Variants in GRM8 observed in about 807,000 individuals in gnomAD.
GRM8 encodes the protein metabotropic glutamate receptor 8.
In GRM8, 47 loss-of-function variants were observed where a neutral mutation model predicts 87.2. The observed-to-expected ratio is 0.54, with a 90% confidence interval of 0.43 to 0.69. GRM8 has a LOEUF of 0.69. GRM8 is among the 30% of genes least tolerant of loss of function. GRM8 has a pLI of 0.00. For synonymous variants in GRM8, 396 were observed against 404.5 expected (o/e 0.98, Z 0.25); for missense variants, 1,019 against 1,139.2 (o/e 0.89, Z 1.52).
intron 3 of GRM8, among the ~76,000 whole-genome samples, chr7:127,086,844 A>T (rs977926856): frequency 1.3e-5 from 2 of 152,156 alleles, no homozygotes; most frequent in African/African-American, 4.8e-5. Context: ...TTCCACCTTC[A>T]TTAATCAAGT....
intron 2 of GRM8, among the ~76,000 whole-genome samples, chr7:127,208,545 G>A (rs1796041598): frequency 6.6e-6 from 1 of 152,166 alleles, no homozygotes; most frequent in Admixed American, 6.5e-5. Context: ...TGAGTAACTT[G>A]GCTAATGAGT....
At chr7:126,967,560 A>AC (rs1715354284) in intron 3 of GRM8, among the ~76,000 whole-genome samples, 1 of 151,496 alleles carries the variant, frequency 6.6e-6, no homozygotes, top group African/African-American at 2.4e-5. Flanking sequence ...AGAAAAAAAA[A>AC]AGTACAGCAC....
chr7:126,603,023 A>C, intron 8 of GRM8, among the ~76,000 whole-genome samples: 1 of 147,820 alleles, frequency 6.8e-6, no homozygotes, highest in Non-Finnish European at 1.5e-5. Flanking sequence ...AGCACATCAA[A>C]AAGCTTATCC....
chr7:126,534,532 T>G (rs924694598), intron 8 of GRM8, among the ~76,000 whole-genome samples: 1 of 148,530 alleles, frequency 6.7e-6, no homozygotes, highest in Non-Finnish European at 1.5e-5. Flanking sequence ...GATGGTAATG[T>G]TTTTTTTACT....
intron 2 of GRM8, among the ~76,000 whole-genome samples, chr7:127,129,194 A>G (rs1827541449): frequency 6.6e-6 from 1 of 152,202 alleles, no homozygotes. Flanking sequence ...TTTTTAATAA[A>G]TCTATAGAAT....
chr7:126,614,115 G>A (rs1799200656), intron 7 of GRM8, among the ~76,000 whole-genome samples: 1 of 152,184 alleles, frequency 6.6e-6, no homozygotes, highest in Admixed American at 6.5e-5. Flanking sequence ...AGCCTAACTG[G>A]GAGGCACCTC....
At chr7:127,109,161 C>T (rs1826101840) in intron 2 of GRM8, among the ~76,000 whole-genome samples, 1 of 152,030 alleles carries the variant, frequency 6.6e-6, no homozygotes, top group African/African-American at 2.4e-5. Flanking sequence ...ACTGCAACTA[C>T]CCACTTAACC....
At chr7:126,465,155 T>G (rs1804343986) in intron 9 of GRM8, 1 of 151,758 alleles carries the variant, frequency 6.6e-6, no homozygotes, top group South Asian at 2.1e-4. Context: ...CTCAATTCTA[T>G]TCCATTCCAT....
At chr7:126,960,982 GC>G (rs1299697058) in intron 3 of GRM8, among the ~76,000 whole-genome samples, 1 of 152,056 alleles carries the variant, frequency 6.6e-6, no homozygotes, top group African/African-American at 2.4e-5. Flanking sequence ...CAAATGTGAT[GC>G]CCAGAACTGG....
intron 6 of GRM8, among the ~76,000 whole-genome samples, chr7:126,868,279 G>A (rs1420217934): frequency 2.0e-5 from 3 of 152,250 alleles, no homozygotes; most frequent in African/African-American, 4.8e-5. Context: ...GGGGCATCAG[G>A]AGTTGAAAGA....
At chr7:126,447,900 A>T (rs2150472053) in intron 9 of GRM8, among the ~76,000 whole-genome samples, 1 of 152,078 alleles carries the variant, frequency 6.6e-6, no homozygotes. Flanking sequence ...AAATGCTTTA[A>T]CGAGATTTAC....
chr7:127,219,781 A>G (rs887399309), intron 2 of GRM8: 1 of 152,216 alleles, frequency 6.6e-6, no homozygotes, highest in African/African-American at 2.4e-5. Context: ...CGATGTACCC[A>G]TGAACCACTA....
At chr7:127,060,470 T>C in intron 3 of GRM8, among the ~76,000 whole-genome samples, 1 of 152,226 alleles carries the variant, frequency 6.6e-6, no homozygotes, top group Middle Eastern at 3.4e-3. Flanking sequence ...CACTGATAGT[T>C]TATACAAAAT....
chr7:126,961,744 GC>G (rs1390830448), intron 3 of GRM8, among the ~76,000 whole-genome samples: 1 of 152,218 alleles, frequency 6.6e-6, no homozygotes, highest in Non-Finnish European at 1.5e-5. Context: ...CCCATCACAA[GC>G]CTCGTGGGAG....
intron 7 of GRM8, among the ~76,000 whole-genome samples, chr7:126,646,322 GA>G (rs1803086256): frequency 7.3e-6 from 1 of 136,796 alleles, no homozygotes; most frequent in Non-Finnish European, 1.6e-5. Flanking sequence ...AAGGAAGGAA[GA>G]AAGGAAGGAA....
rs140461126 is a variant in GRM8 at position 127,208,710 on chromosome 7, G to T, written c.510+33985C>A. On this transcript the variant is annotated intron_variant, in intron 2 of 10. Transcript: ENST00000339582. ...ACCTTGCTTGTTCATCTCAACTCTC[G>T]CAGATCTGCCACTTTCTTCAGTCCT... is the stretch of plus-strand genomic sequence containing the variant. Among the ~76,000 whole-genome samples, 496 of 152,138 alleles carry T rather than the reference G, an allele frequency of 3.3e-3. 4 individuals carry two copies. The highest frequency in any genetic ancestry group is 0.011 in the African/African-American group (465 of 41,508).
intron 7 of GRM8, among the ~76,000 whole-genome samples, chr7:126,627,876 T>C (rs868555705): frequency 5.9e-5 from 9 of 152,316 alleles, no homozygotes; most frequent in Middle Eastern, 3.4e-3. Flanking sequence ...ATAATTTGCA[T>C]TTTTATTCAC....
intron 1 of GRM8, chr7:127,250,927 A>G (rs568381009): frequency 9.9e-5 from 15 of 152,098 alleles, no homozygotes; most frequent in African/African-American, 3.1e-4. Flanking sequence ...CCCGTTCATG[A>G]TTTTTCTTGT....
chr7:126,760,563 A>G (rs1229419956), intron 7 of GRM8, among the ~76,000 whole-genome samples: 1 of 152,190 alleles, frequency 6.6e-6, no homozygotes, highest in Non-Finnish European at 1.5e-5. Context: ...CTTCATCAGA[A>G]ACAAAAAAAT....
Sources: allele counts gnomAD v4.1 joint callset (sites outside exome capture counted in the v4.1 genomes callset), GRCh38; gene constraint gnomAD v4.1.1; transcripts MANE v1.5; gene names NCBI Gene and HGNC (gene_info 2026-07-23, HGNC 2026-07-21).